SLC9A9: variants seen among roughly 807,000 people sequenced by gnomAD.
The protein encoded by SLC9A9 is solute carrier family 9 member A9, also known as sodium/hydrogen exchanger 9.
SLC9A9 carries 62 observed loss-of-function variants against 77.8 expected under a neutral mutation model. That is an observed-to-expected ratio of 0.80 (90% CI 0.65 to 0.98). The LOEUF is 0.98. Among genes scored for constraint, SLC9A9 ranks in the 50% least tolerant of loss-of-function variants. SLC9A9 has a pLI of 0.00. For missense variants in SLC9A9, 775 were observed against 774.9 expected, an observed-to-expected ratio of 1.00 and a Z score of 0.00; for synonymous variants, 320 against 283.5, an observed-to-expected ratio of 1.13 and a Z score of -1.29.
chr3:143,656,483 C>A (rs142886201), intron 5 of SLC9A9, among the ~76,000 whole-genome samples: 2 of 152,044 alleles, frequency 1.3e-5, no homozygotes, highest in East Asian at 3.9e-4. Context: ...TTCTTGATGC[C>A]CTTTCAGAAC....
At chr3:143,411,484 G>C (rs537655905) in intron 12 of SLC9A9, among the ~76,000 whole-genome samples, 1 of 152,162 alleles carries the variant, frequency 6.6e-6, no homozygotes, top group South Asian at 2.1e-4. Flanking sequence ...TTCTACTTTT[G>C]AGGGCTAGTT....
At position 143,493,618 on chromosome 3, in the gene SLC9A9, A is replaced by C. The variant is rs1386041046; in HGVS notation, c.1315+35T>G. ...TCATGTTCTGTAAAATTGTGAGAAAACCAGCAGCACTAACATATAACATAG... is the reference window on the plus strand; with the variant it reads ...TCATGTTCTGTAAAATTGTGAGAAACCCAGCAGCACTAACATATAACATAG... On this transcript the variant is annotated intron_variant, in intron 11 of 15. Coordinates refer to ENST00000316549, the MANE Select transcript of SLC9A9 (RefSeq NM_173653.4). The C allele has an allele frequency of 1.9e-6, 3 of 1,570,530 alleles. No individual in the cohort carries two copies. In the African/African-American group the frequency reaches 4.1e-5, roughly 21 times the overall value.
intron 14 of SLC9A9, among the ~76,000 whole-genome samples, chr3:143,320,423 A>G (rs549926811): frequency 6.6e-6 from 1 of 152,242 alleles, no homozygotes; most frequent in Non-Finnish European, 1.5e-5. Flanking sequence ...TGGGTGACTT[A>G]TAAAGAAAAG....
intron 12 of SLC9A9, among the ~76,000 whole-genome samples, chr3:143,433,257 G>A (rs77622906): frequency 0.01 from 1,582 of 152,174 alleles, 23 homozygotes; most frequent in African/African-American, 0.036. Flanking sequence ...AAATCCTATC[G>A]ACTTTGAAGC....
chr3:143,758,555 TG>T (rs935838886), intron 4 of SLC9A9, among the ~76,000 whole-genome samples: 1 of 152,110 alleles, frequency 6.6e-6, no homozygotes, highest in African/African-American at 2.4e-5. Context: ...GAGATAAAGT[TG>T]TTAACAGAGA....
At chr3:143,368,083 G>A (rs1013319786) in intron 13 of SLC9A9, among the ~76,000 whole-genome samples, 2 of 152,038 alleles carry the variant, frequency 1.3e-5, no homozygotes, top group African/African-American at 4.8e-5. Context: ...GGATTTTCTG[G>A]CTCTTTTATT....
At chr3:143,789,225 C>T (rs1355156877) in intron 4 of SLC9A9, among the ~76,000 whole-genome samples, 1 of 152,122 alleles carries the variant, frequency 6.6e-6, no homozygotes, top group Admixed American at 6.5e-5. Context: ...TTTACGGCCA[C>T]CCTGAGTGCA....
chr3:143,469,342 C>T (rs2035338395), intron 11 of SLC9A9, among the ~76,000 whole-genome samples: 1 of 152,070 alleles, frequency 6.6e-6, no homozygotes, highest in Non-Finnish European at 1.5e-5. Flanking sequence ...ATTTATAGTC[C>T]CTGTTATATT....
chr3:143,344,550 C>T (rs2032203741), intron 14 of SLC9A9: 1 of 152,128 alleles, frequency 6.6e-6, no homozygotes, highest in South Asian at 2.1e-4. Flanking sequence ...CTTTAAAACT[C>T]TTTTACAACT....
chr3:143,673,747 A>AG (rs1411323342), intron 5 of SLC9A9, among the ~76,000 whole-genome samples: 7 of 152,094 alleles, frequency 4.6e-5, no homozygotes, highest in African/African-American at 7.2e-5. Flanking sequence ...CAATATGTCT[A>AG]GGGGGGCAGC....
intron 4 of SLC9A9, among the ~76,000 whole-genome samples, chr3:143,759,203 T>G (rs1005013312): frequency 6.6e-6 from 1 of 152,100 alleles, no homozygotes; most frequent in Non-Finnish European, 1.5e-5. Flanking sequence ...TGCTATTTCC[T>G]GGATGACAGA....
At chr3:143,808,047 G>C (rs115188158) in intron 2 of SLC9A9, among the ~76,000 whole-genome samples, 462 of 152,366 alleles carry the variant, frequency 3.0e-3, no homozygotes, top group Non-Finnish European at 4.7e-3. Context: ...AAGTATACTG[G>C]GGAGGCAGAA....
chr3:143,440,030 G>A (rs910604523), intron 12 of SLC9A9, among the ~76,000 whole-genome samples: 6 of 152,212 alleles, frequency 3.9e-5, no homozygotes, highest in African/African-American at 1.4e-4. Context: ...ATTAACCAAT[G>A]CATACTACAT....
intron 4 of SLC9A9, among the ~76,000 whole-genome samples, chr3:143,742,238 A>T (rs1935090171): frequency 6.6e-6 from 1 of 152,110 alleles, no homozygotes; most frequent in South Asian, 2.1e-4. Flanking sequence ...TTAATCTCTG[A>T]CCAATCAGCA....
At chr3:143,367,274 GGAGAT>G (rs2032933269) in intron 13 of SLC9A9, among the ~76,000 whole-genome samples, 1 of 152,112 alleles carries the variant, frequency 6.6e-6, no homozygotes, top group Admixed American at 6.5e-5. Context: ...GTGGGTGACT[GGAGAT>G]GTTATTCATT....
At chr3:143,426,497 G>A (rs890472352) in intron 12 of SLC9A9, among the ~76,000 whole-genome samples, 1 of 152,006 alleles carries the variant, frequency 6.6e-6, no homozygotes, top group Non-Finnish European at 1.5e-5. Context: ...CTCCATTTCT[G>A]GAAAATGTAG....
chr3:143,718,610 C>T (rs1241935844), intron 4 of SLC9A9, among the ~76,000 whole-genome samples: 1 of 152,216 alleles, frequency 6.6e-6, no homozygotes, highest in Non-Finnish European at 1.5e-5. Flanking sequence ...TGGCCCCTTC[C>T]CACGTAACAG....
chr3:143,481,777 G>C (rs1044884057), intron 11 of SLC9A9, among the ~76,000 whole-genome samples: 1 of 152,232 alleles, frequency 6.6e-6, no homozygotes, highest in Non-Finnish European at 1.5e-5. Context: ...CAGCATGGAA[G>C]TGTCCCCTTT....
At chr3:143,276,513 T>C (rs1247435297) in intron 14 of SLC9A9, among the ~76,000 whole-genome samples, 1 of 152,186 alleles carries the variant, frequency 6.6e-6, no homozygotes, top group African/African-American at 2.4e-5. Flanking sequence ...TGCCATCTTC[T>C]AGGAATTGCA....
Sources: allele counts gnomAD v4.1 joint callset (sites outside exome capture counted in the v4.1 genomes callset), GRCh38; gene constraint gnomAD v4.1.1; transcripts MANE v1.5; gene names NCBI Gene and HGNC (gene_info 2026-07-23, HGNC 2026-07-21).